Variants in CEP20 observed in about 807,000 individuals in gnomAD.
CEP20 encodes centrosomal protein 20.
In CEP20, 18 loss-of-function variants were observed where a neutral mutation model predicts 20.0. That is an observed-to-expected ratio of 0.90 (90% CI 0.62 to 1.34). The LOEUF (loss-of-function observed/expected upper bound fraction) is 1.34, where lower values mean the gene tolerates loss of function less well. CEP20 is among the 40% of genes most tolerant of loss of function. The pLI is 0.00. For synonymous variants in CEP20, 77 were observed against 73.7 expected (o/e 1.04, Z -0.23); for missense variants, 215 against 201.6 (o/e 1.07, Z -0.40).
At chr16:15,882,049 T>C (rs1352893104) in intron 2 of CEP20, among the ~76,000 whole-genome samples, 1 of 152,186 alleles carries the variant, frequency 6.6e-6, no homozygotes, top group Admixed American at 6.5e-5. Flanking sequence ...GGCCTGGTGC[T>C]GTCCTTACCA....
chr16:15,881,655 C>T (rs2045100349), intron 2 of CEP20, among the ~76,000 whole-genome samples: 2 of 151,796 alleles, frequency 1.3e-5, no homozygotes, highest in South Asian at 4.2e-4. Context: ...CCAGCTGCAT[C>T]CCCCACCCCA....
chr16:15,876,669 T>A (rs2044957389), intron 3 of CEP20, among the ~76,000 whole-genome samples: 2 of 152,126 alleles, frequency 1.3e-5, no homozygotes, highest in African/African-American at 2.4e-5. Flanking sequence ...GCCTCAGTGG[T>A]TTCAGATGCA....
chr16:15,885,489 T>C (rs1597011878), intron 1 of CEP20, among the ~76,000 whole-genome samples: 1 of 152,052 alleles, frequency 6.6e-6, no homozygotes, highest in African/African-American at 2.4e-5. Flanking sequence ...GGCTCCCTGG[T>C]TCAAGCAATT....
chr16:15,870,379 G>A (rs1427028650), intron 4 of CEP20, among the ~76,000 whole-genome samples: 2 of 152,114 alleles, frequency 1.3e-5, no homozygotes, highest in Non-Finnish European at 2.9e-5. Context: ...TTCTTGGTAA[G>A]TGTATAGACT....
At chr16:15,884,711 G>A (rs1284479964) in intron 1 of CEP20, among the ~76,000 whole-genome samples, 1 of 151,932 alleles carries the variant, frequency 6.6e-6, no homozygotes, top group African/African-American at 2.4e-5. Context: ...TCACTGTGTT[G>A]GCCAGGATGG....
intron 2 of CEP20, among the ~76,000 whole-genome samples, chr16:15,880,586 T>C (rs2045073849): frequency 6.6e-6 from 1 of 152,132 alleles, no homozygotes; most frequent in Non-Finnish European, 1.5e-5. Flanking sequence ...GAATCTTGAA[T>C]GTATTACACT....
chr16:15,868,404 C>A (rs2044737736), intron 4 of CEP20, among the ~76,000 whole-genome samples: 2 of 151,958 alleles, frequency 1.3e-5, no homozygotes, highest in Non-Finnish European at 2.9e-5. Context: ...GCCTGGGCGA[C>A]AGAGCAAGAC....
chr16:15,878,818 G>T (rs749551119), intron 3 of CEP20, among the ~76,000 whole-genome samples: 1 of 152,122 alleles, frequency 6.6e-6, no homozygotes, highest in African/African-American at 2.4e-5. Flanking sequence ...GTTTCCCCAT[G>T]TTGTCCAGGC....
intron 4 of CEP20, among the ~76,000 whole-genome samples, chr16:15,872,098 A>G (rs866332453): frequency 6.6e-6 from 1 of 152,252 alleles, no homozygotes; most frequent in South Asian, 2.1e-4. Context: ...GCGGATCATG[A>G]GGTCAGGAGA....
In CEP20 at chr16:15,884,186, T is replaced by C. The variant is rs775894389; in HGVS notation, c.48A>G (p.Glu16=). 1 of 1,611,112 alleles carries C rather than the reference T, an allele frequency of 6.2e-7. No individual in the cohort carries two copies. Among genetic ancestry groups the C allele is most frequent in the Non-Finnish European group, 8.5e-7 (1 of 1,177,654 alleles). The change falls in exon 2 of 5, where the codon GAA becomes GAG. Residue 16 remains glutamate (E), a synonymous_variant. Transcript: ENST00000255759. ...TTAAATGCCCTAATACCCCCTTTTT[T>C]TCCAAGGTGTCCTTTAAAACTGTTC... The part of the protein sequence containing the change: ...ELKAVLKDTL[E]KKGVLGHLKA...
intron 4 of CEP20, among the ~76,000 whole-genome samples, chr16:15,868,246 G>A (rs1285107114): frequency 6.6e-6 from 1 of 151,412 alleles, no homozygotes; most frequent in Non-Finnish European, 1.5e-5. Context: ...AGGAGATAGA[G>A]ACCCTGTCTC....
chr16:15,884,339 AC>A (rs2045188960), intron 1 of CEP20, 134 bp from the exon 2 acceptor site: 1 of 714,970 alleles, frequency 1.4e-6, no homozygotes, highest in South Asian at 2.1e-5. Flanking sequence ...AAACATTGTG[AC>A]AAATTATTAA....
intron 4 of CEP20, among the ~76,000 whole-genome samples, 182 bp from the exon 5 acceptor site, chr16:15,867,698 C>T (rs540218487): frequency 6.6e-6 from 1 of 152,098 alleles, no homozygotes; most frequent in Non-Finnish European, 1.5e-5. Flanking sequence ...AGAGGCCAAG[C>T]GTGGTGGCTC....
chr16:15,878,941 G>T (rs895466199), intron 3 of CEP20, among the ~76,000 whole-genome samples: 1 of 151,348 alleles, frequency 6.6e-6, no homozygotes, highest in Non-Finnish European at 1.5e-5. Context: ...ATGAGAAAAC[G>T]TAAGGCTTCA....
chr16:15,877,465 A>G (rs2044982588), intron 3 of CEP20, among the ~76,000 whole-genome samples: 1 of 152,216 alleles, frequency 6.6e-6, no homozygotes, highest in Non-Finnish European at 1.5e-5. Context: ...TACAATTTTT[A>G]TACTTTTCAA....
At chr16:15,882,467 T>C (rs1423672897) in intron 2 of CEP20, among the ~76,000 whole-genome samples, 1 of 151,538 alleles carries the variant, frequency 6.6e-6, no homozygotes, top group South Asian at 2.1e-4. Context: ...GAGGTAGACG[T>C]TGCAGTGAGC....
At position 15,880,408 on chromosome 16, in the gene CEP20, T is replaced by C. The variant is rs1475955746; in HGVS notation, c.227-520A>G. On this transcript the variant is annotated intron_variant, in intron 2 of 4. Transcript: ENST00000255759. ...CTCACTCTTAGCTTTCTACCCAAGA[T>C]TAATGAAAACTTATGTTCTCACAAA... is the stretch of plus-strand genomic sequence containing the variant. Among the ~76,000 whole-genome samples, 3 of 152,138 alleles carry C rather than the reference T, an allele frequency of 2.0e-5. No individual in the cohort carries two copies. In the East Asian group the frequency reaches 5.8e-4, roughly 29 times the overall value.
intron 3 of CEP20, among the ~76,000 whole-genome samples, chr16:15,876,064 C>T (rs1309006242): frequency 7.3e-6 from 1 of 136,920 alleles, no homozygotes. Context: ...TGTCATTGCA[C>T]TCAAAAAAAA....
chr16:15,884,772 G>T (rs527954881), intron 1 of CEP20, among the ~76,000 whole-genome samples: 1 of 152,162 alleles, frequency 6.6e-6, no homozygotes, highest in South Asian at 2.1e-4. Flanking sequence ...CCAAAGTGTT[G>T]GGATTACAGG....
Sources: allele counts gnomAD v4.1 joint callset (sites outside exome capture counted in the v4.1 genomes callset), GRCh38; gene constraint gnomAD v4.1.1; transcripts MANE v1.5; gene names NCBI Gene and HGNC (gene_info 2026-07-23, HGNC 2026-07-21).